Variants in USP35 observed in about 807,000 individuals in gnomAD.
USP35 encodes ubiquitin specific peptidase 35, also known as ubiquitin carboxyl-terminal hydrolase 35.
In USP35, 69 loss-of-function variants were observed where a neutral mutation model predicts 83.8. That is an observed-to-expected ratio of 0.82 (90% CI 0.68 to 1.01). The LOEUF is 1.01. USP35 is among the 50% of genes least tolerant of loss of function. The pLI is 0.00. For missense variants in USP35, 1,503 were observed against 1,362.5 expected (o/e 1.10, Z -1.62); for synonymous variants, 714 against 589.5 (o/e 1.21, Z -3.06).
chr11:78,195,532 G>A (rs965437613), intron 1 of USP35, among the ~76,000 whole-genome samples: 4 of 152,102 alleles, frequency 2.6e-5, no homozygotes, highest in African/African-American at 9.7e-5. Context: ...CATTTTTTGT[G>A]TGTGCCCCAT....
the USP35 span, chr11:78,226,751 C>T: frequency 6.2e-7 from 1 of 1,613,982 alleles, no homozygotes. Flanking sequence ...CCAGGAGGTC[C>T]CCGAACTCCC....
the USP35 span, chr11:78,221,866 C>T: frequency 1.4e-5 from 12 of 849,956 alleles, no homozygotes; most frequent in South Asian, 1.7e-4. Flanking sequence ...GACCCTCACA[C>T]ACCCAGACCT....
intron 5 of USP35, 110 bp downstream of exon 5, chr11:78,200,344 G>T: frequency 1.5e-6 from 2 of 1,329,480 alleles, no homozygotes; most frequent in South Asian, 1.2e-5. Flanking sequence ...TGGGCTCTTG[G>T]GGCAGGTCAC....
At chr11:78,204,107 G>A (rs1863458461) in intron 6 of USP35, among the ~76,000 whole-genome samples, 1 of 151,656 alleles carries the variant, frequency 6.6e-6, no homozygotes, top group African/African-American at 2.4e-5. Flanking sequence ...AGCCGGGATG[G>A]TCTCGATCTC....
intron 10 of USP35, among the ~76,000 whole-genome samples, chr11:78,212,373 T>A (rs1863818161): frequency 6.6e-6 from 1 of 152,222 alleles, no homozygotes; most frequent in African/African-American, 2.4e-5. Context: ...CAGGTAGGCA[T>A]TAGGCTTCCA....
At chr11:78,199,341 G>A in intron 3 of USP35, 1 of 478,110 alleles carries the variant, frequency 2.1e-6, no homozygotes, top group Admixed American at 3.3e-5. Flanking sequence ...CCAGTGTGGA[G>A]GGGCGAGACT....
intron 6 of USP35, among the ~76,000 whole-genome samples, chr11:78,203,431 G>A (rs1299750795): frequency 6.6e-6 from 1 of 152,102 alleles, no homozygotes; most frequent in Non-Finnish European, 1.5e-5. Flanking sequence ...TGGGCTTCTC[G>A]AACGTTTCCA....
chr11:78,202,838 C>A (rs1316862718), intron 6 of USP35, among the ~76,000 whole-genome samples: 2 of 152,174 alleles, frequency 1.3e-5, no homozygotes, highest in African/African-American at 4.8e-5. Flanking sequence ...CTTGGAGATT[C>A]TGTGGCTGGG....
chr11:78,207,477 A>C (rs1452516491), intron 7 of USP35, 53 bp from the exon 8 acceptor site: 1 of 1,580,072 alleles, frequency 6.3e-7, no homozygotes, highest in African/African-American at 1.3e-5. Context: ...GGGTGACTAG[A>C]GACTCCTTGG....
chr11:78,200,135 T>A lies in USP35; in HGVS notation c.939T>A (p.Val313=). The change falls in exon 5 of 11, where the codon GTT becomes GTA. Residue 313 remains valine, a splice_region_variant and synonymous_variant. Transcript: ENST00000529308. ...CCTGACCAGGGACTCTCTTGTAGGT[T>A]TTCTCTAAGCTGCTGTACCCCATCG... ...IEVSLTKIEK[V]FSKLLYPIVR... The A allele has an allele frequency of 1.2e-6, 2 of 1,614,120 alleles. No individual in the cohort carries two copies. Among genetic ancestry groups the A allele is most frequent in the Non-Finnish European group, 1.7e-6 (2 of 1,179,998 alleles).
the USP35 span, chr11:78,220,245 C>T: frequency 6.5e-7 from 1 of 1,535,444 alleles, no homozygotes; most frequent in African/African-American, 1.4e-5. Context: ...GTGTTGAAGG[C>T]ACCCTGGCCT....
the USP35 span, among the ~76,000 whole-genome samples, chr11:78,229,533 A>G: frequency 6.6e-6 from 1 of 152,120 alleles, no homozygotes; most frequent in Non-Finnish European, 1.5e-5. Context: ...TTATTTTGGG[A>G]ATGGCAACAG....
Position 78,209,981 on chromosome 11 carries a change from A to T in USP35, c.2126A>T (p.Glu709Val). The T allele has an allele frequency of 6.2e-7, 1 of 1,612,986 alleles. No homozygotes were observed. Among genetic ancestry groups the T allele is most frequent in the Non-Finnish European group, 8.5e-7 (1 of 1,179,512 alleles). ...AGAGGGGAAGGAGAGAGGGAGAAAG[A>T]GGAGGAGGTGGAAGAGGAAGAAGAG... ...STRGEGEREK[E>V]EEVEEEEEKV... Residue 709 changes from glutamate to valine, a missense_variant, in exon 10 of 11, where the codon GAG becomes GTG. By Grantham distance (121) the Glu-to-Val change is moderately radical (BLOSUM62 -2). Coordinates refer to ENST00000529308, the MANE Select transcript of USP35 (RefSeq NM_020798.4).
chr11:78,212,700 G>A (rs566846466), intron 10 of USP35, among the ~76,000 whole-genome samples: 2 of 152,256 alleles, frequency 1.3e-5, no homozygotes, highest in South Asian at 4.1e-4. Context: ...CTTCTTGTTG[G>A]TGTATAGGAA....
intron 10 of USP35, 70 bp downstream of exon 10, chr11:78,210,814 A>G: frequency 6.9e-7 from 1 of 1,440,344 alleles, no homozygotes; most frequent in South Asian, 1.4e-5. Flanking sequence ...ACTGGCTTAG[A>G]TAAGTCATTT....
chr11:78,191,637 C>G (rs1256047490), intron 1 of USP35, among the ~76,000 whole-genome samples: 1 of 152,124 alleles, frequency 6.6e-6, no homozygotes, highest in East Asian at 1.9e-4. Context: ...GGCTACTGCA[C>G]TAGTCCAGGC....
At chr11:78,223,557 G>A in the USP35 span, 21 of 1,613,734 alleles carry the variant, frequency 1.3e-5, no homozygotes, top group East Asian at 2.2e-5. Flanking sequence ...GGATGTAGAC[G>A]CTCTGGGAAT....
At chr11:78,210,766 T>TTGATC (rs774126656) in intron 10 of USP35, 22 bp downstream of exon 10, 2 of 1,511,822 alleles carry the variant, frequency 1.3e-6, no homozygotes, top group African/African-American at 2.8e-5. Context: ...CGTGGGGCCT[T>TTGATC]TGATCTGATC....
In USP35 at chr11:78,213,545, G is replaced by A. The variant is rs1863894113; in HGVS notation, c.2890-101G>A. 3.8e-6 allele frequency: 5 copies of A among 1,328,074 alleles called. No homozygotes were observed. In the African/African-American group the frequency reaches 6.1e-5, roughly 16 times the overall value. 82.3% of individuals were successfully genotyped at this position (1,328,074 alleles called of 1,614,324 possible). ...AATGTCTCTGTGTGTCCAGGCCCTG[G>A]GGACCTAGAGGAAACATTGAAAGGT... is the stretch of plus-strand genomic sequence containing the variant. On this transcript the variant is annotated intron_variant, in intron 10 of 10. Coordinates refer to ENST00000529308, the MANE Select transcript of USP35 (RefSeq NM_020798.4).
Sources: gnomAD v4.1 joint callset for allele counts (sites outside exome capture counted in the v4.1 genomes callset) on GRCh38, gnomAD v4.1.1 for gene constraint, MANE v1.5 for transcripts, NCBI Gene and HGNC (gene_info 2026-07-23, HGNC 2026-07-21) for gene names.